OTUD7A: variants seen among roughly 807,000 people sequenced by gnomAD.
OTUD7A encodes OTU domain-containing protein 7A.
A neutral mutation model predicts 65.7 loss-of-function variants in OTUD7A; 12 were observed. The observed-to-expected ratio is 0.18, with a 90% CI of 0.12 to 0.30. The LOEUF is 0.30. Ranked by LOEUF, OTUD7A falls within the 10% of genes least tolerant of loss-of-function variation. OTUD7A has a pLI of 1.00. For missense variants in OTUD7A, 1,148 were observed against 1,304.8 expected (o/e 0.88, Z 1.85); for synonymous variants, 641 against 586.3 (o/e 1.09, Z -1.35).
At chr15:31,507,816 T>C (rs1210886805) in intron 8 of OTUD7A, among the ~76,000 whole-genome samples, 1 of 152,182 alleles carries the variant, frequency 6.6e-6, no homozygotes, top group Non-Finnish European at 1.5e-5. Flanking sequence ...AGAGTGCTGA[T>C]TGGTGCATTT....
At chr15:31,796,202 A>G (rs1313880739) in intron 1 of OTUD7A, among the ~76,000 whole-genome samples, 1 of 139,518 alleles carries the variant, frequency 7.2e-6, no homozygotes, top group Non-Finnish European at 1.5e-5. Context: ...CTATCTATCT[A>G]TCTATCTATC....
At chr15:31,527,054 AG>A (rs2042024611) in intron 7 of OTUD7A, 126 bp downstream of exon 7, 2 of 1,378,996 alleles carry the variant, frequency 1.5e-6, no homozygotes, top group Admixed American at 2.2e-5. Flanking sequence ...TCCTGATCCC[AG>A]GGGCTGTTTC....
intron 1 of OTUD7A, among the ~76,000 whole-genome samples, chr15:31,730,165 C>G (rs1158203498): frequency 3.9e-5 from 6 of 152,104 alleles, no homozygotes; most frequent in Admixed American, 6.5e-5. Flanking sequence ...TTGTCAGCAA[C>G]CAGGAAGAGA....
chr15:31,663,821 C>G (rs1892241382), intron 1 of OTUD7A, among the ~76,000 whole-genome samples: 1 of 152,048 alleles, frequency 6.6e-6, no homozygotes, highest in East Asian at 1.9e-4. Context: ...ATCCTTTGCT[C>G]CCCTCCCATC....
intron 3 of OTUD7A, among the ~76,000 whole-genome samples, chr15:31,588,769 C>A (rs943169976): frequency 6.6e-6 from 1 of 152,190 alleles, no homozygotes; most frequent in Non-Finnish European, 1.5e-5. Context: ...GCTGCCTGGG[C>A]GGCAGCAGCC....
chr15:31,626,757 G>T (rs893470860), intron 3 of OTUD7A, among the ~76,000 whole-genome samples: 1 of 151,926 alleles, frequency 6.6e-6, no homozygotes, highest in Non-Finnish European at 1.5e-5. Context: ...TGTATTTTTA[G>T]TAAAGACAGG....
chr15:31,538,800 GAAAAGA>G (rs1170277416), intron 5 of OTUD7A, among the ~76,000 whole-genome samples: 1 of 152,022 alleles, frequency 6.6e-6, no homozygotes, highest in African/African-American at 2.4e-5. Flanking sequence ...CAACATAAAA[GAAAAGA>G]AAAACGAGTA....
chr15:31,807,314 A>T (rs1479443546), intron 1 of OTUD7A, among the ~76,000 whole-genome samples: 2 of 152,170 alleles, frequency 1.3e-5, no homozygotes, highest in Non-Finnish European at 2.9e-5. Context: ...CAAGAGACAG[A>T]GTCTCACAGG....
intron 1 of OTUD7A, among the ~76,000 whole-genome samples, chr15:31,718,297 G>A (rs4299115): frequency 0.024 from 3,609 of 152,200 alleles, 166 homozygotes; most frequent in African/African-American, 0.082. Flanking sequence ...TTTTAGCATG[G>A]AATGAAATTT....
chr15:31,490,772 G>T (rs1044482570), intron 10 of OTUD7A, among the ~76,000 whole-genome samples: 10 of 152,202 alleles, frequency 6.6e-5, no homozygotes, highest in African/African-American at 2.4e-4. Flanking sequence ...AAAAAAGACT[G>T]GCAGGAGTTC....
chr15:31,586,613 G>C (rs1889545357), intron 3 of OTUD7A, among the ~76,000 whole-genome samples: 1 of 152,100 alleles, frequency 6.6e-6, no homozygotes, highest in Non-Finnish European at 1.5e-5. Context: ...TCTCTAAGGG[G>C]CAGTGTAAGT....
intron 1 of OTUD7A, among the ~76,000 whole-genome samples, chr15:31,780,591 G>A (rs575446606): frequency 2.6e-5 from 4 of 152,288 alleles, no homozygotes; most frequent in African/African-American, 4.8e-5. Flanking sequence ...AGACACTAAC[G>A]AGGGATTTCT....
intron 1 of OTUD7A, among the ~76,000 whole-genome samples, chr15:31,662,056 C>A (rs1056305460): frequency 6.6e-6 from 1 of 152,142 alleles, no homozygotes; most frequent in African/African-American, 2.4e-5. Context: ...GATTCAGATT[C>A]AATTTGGGGC....
chr15:31,843,027 T>C (rs887179442), intron 1 of OTUD7A, among the ~76,000 whole-genome samples: 2 of 151,998 alleles, frequency 1.3e-5, no homozygotes, highest in African/African-American at 4.8e-5. Context: ...CTCACACCAC[T>C]GCTATGCAGA....
intron 1 of OTUD7A, among the ~76,000 whole-genome samples, chr15:31,750,228 T>A (rs1241215163): frequency 1.3e-5 from 2 of 151,974 alleles, no homozygotes; most frequent in African/African-American, 2.4e-5. Context: ...GCCAACATGG[T>A]GAAAGCCTGT....
intron 3 of OTUD7A, among the ~76,000 whole-genome samples, chr15:31,594,247 A>C (rs190859786): frequency 4.7e-4 from 72 of 152,334 alleles, no homozygotes; most frequent in African/African-American, 1.7e-3. Flanking sequence ...GTACTTAAGA[A>C]AGAAATCCAT....
At chr15:31,860,122 A>G (rs1302208414) in intron 1 of OTUD7A, among the ~76,000 whole-genome samples, 1 of 152,182 alleles carries the variant, frequency 6.6e-6, no homozygotes, top group Non-Finnish European at 1.5e-5. Flanking sequence ...TCAAGGTAGT[A>G]CAACTAATTT....
chr15:31,844,215 TCGCACACTG>T lies in OTUD7A; in HGVS notation c.-100+26283_-100+26291del, dbSNP rs1897249692. 2.0e-5 allele frequency among the ~76,000 whole-genome samples: 3 copies of T among 152,168 alleles called. No homozygotes were observed. In the South Asian group the frequency reaches 6.2e-4, roughly 32 times the overall value. ...ATATGACAGAAAAGAGAATCAAGAA[TCGCACACTG>T]CGCTGGGTGCGGTGGCTCATGCCTG... On this transcript the variant is annotated intron_variant, in intron 1 of 12. Coordinates refer to ENST00000307050, the MANE Select transcript of OTUD7A (RefSeq NM_001382637.1).
At chr15:31,509,242 T>C (rs2041636513) in intron 8 of OTUD7A, among the ~76,000 whole-genome samples, 1 of 152,118 alleles carries the variant, frequency 6.6e-6, no homozygotes, top group Non-Finnish European at 1.5e-5. Context: ...TATGTTTACA[T>C]ACAGAATTTT....
Sources: allele counts gnomAD v4.1 joint callset (sites outside exome capture counted in the v4.1 genomes callset), GRCh38; gene constraint gnomAD v4.1.1; transcripts MANE v1.5; gene names NCBI Gene and HGNC (gene_info 2026-07-23, HGNC 2026-07-21).